Variants in NANP observed in about 807,000 individuals in gnomAD.
The protein encoded by NANP is N-acetylneuraminic acid phosphatase, also known as N-acylneuraminate-9-phosphatase.
NANP carries 15 observed loss-of-function variants against 16.9 expected under a neutral mutation model. The ratio of observed to expected loss-of-function variants is 0.89; its 90% CI spans 0.59 to 1.37. The LOEUF (loss-of-function observed/expected upper bound fraction) is 1.37. Among genes scored for constraint, NANP ranks in the 40% most tolerant of loss-of-function variants. NANP has a pLI of 0.00. For missense variants in NANP, 290 were observed against 303.5 expected, an observed-to-expected ratio of 0.96 and a Z score of 0.33; for synonymous variants, 135 against 112.6, an observed-to-expected ratio of 1.20 and a Z score of -1.26.
At chr20:25,619,057 T>TGA (rs1369313257) in intron 1 of NANP, among the ~76,000 whole-genome samples, 1 of 151,488 alleles carries the variant, frequency 6.6e-6, no homozygotes, top group Non-Finnish European at 1.5e-5. Context: ...ACTCACCTAC[T>TGA]GAGAGAGGAA....
intron 1 of NANP, among the ~76,000 whole-genome samples, chr20:25,621,827 A>G (rs756656874): frequency 1.3e-5 from 2 of 152,216 alleles, no homozygotes; most frequent in African/African-American, 4.8e-5. Context: ...TACTGGGATT[A>G]CAGGCGTGAG....
intron 1 of NANP, among the ~76,000 whole-genome samples, chr20:25,620,219 A>G (rs1184834658): frequency 1.3e-5 from 2 of 152,190 alleles, no homozygotes; most frequent in Non-Finnish European, 2.9e-5. Context: ...ATTGGAGGTG[A>G]AGGAAAAAGC....
At position 25,623,933 on chromosome 20, in the gene NANP, CGCGGCTCAGCCCCAT is replaced by C. The variant is rs764850994; in HGVS notation, c.1_15del (p.MetGlyLeuSerArg1_?5). On this transcript the variant is annotated start_lost and inframe_deletion, in exon 1 of 2. Coordinates refer to ENST00000304788, the MANE Select transcript of NANP (RefSeq NM_152667.3). ...TCCAAGTCAAAGAAAACCGCCCGCA[CGCGGCTCAGCCCCAT>C]AGCGCCGGCCGCTGGCGCGAACCGT... is the stretch of plus-strand genomic sequence containing the variant. The C allele has an allele frequency of 3.1e-6, 5 of 1,613,232 alleles. No individual in the cohort carries two copies. The highest frequency in any genetic ancestry group is 3.3e-5 in the Admixed American group (2 of 60,010).
Position 25,614,051 on chromosome 20 carries a change from T to A in NANP, c.*1874A>T, listed in dbSNP as rs1174432801. 7.7e-6 allele frequency: 3 copies of A among 388,668 alleles called. No individual in the cohort carries two copies. Among genetic ancestry groups the A allele is most frequent in the Non-Finnish European group, 1.4e-5 (3 of 220,270 alleles). 24.1% of individuals were successfully genotyped at this position (388,668 alleles called of 1,614,324 possible). A position where few individuals can be genotyped will look rare whatever the true frequency, so the allele number is the denominator to read the frequency against. The stretch of plus-strand genomic sequence containing the variant: ...ACTGCATTTGAAACTACAAACATCC[T>A]CTGTTCACAAATGTTCACTGTTATA... On this transcript the variant is annotated 3_prime_UTR_variant, in exon 2 of 2. Coordinates refer to ENST00000304788, the MANE Select transcript of NANP (RefSeq NM_152667.3).
rs149043334 is a variant in NANP at position 25,619,376 on chromosome 20, C to T, written c.91-2795G>A. ...CCTCAAGCAATCCTCCTGCCTTGGC[C>T]TTCCAAAGTGCTGGGAATTACAGGT... On this transcript the variant is annotated intron_variant, in intron 1 of 1. Transcript: ENST00000304788. Among the ~76,000 whole-genome samples the T allele has an allele frequency of 1.4e-3, 219 of 152,210 alleles. 1 individual carries two copies. The highest frequency in any genetic ancestry group is 5.0e-3 in the African/African-American group (207 of 41,526).
intron 1 of NANP, among the ~76,000 whole-genome samples, chr20:25,619,588 G>A (rs2065357402): frequency 6.6e-6 from 1 of 152,074 alleles, no homozygotes; most frequent in Non-Finnish European, 1.5e-5. Context: ...TTAGGTAAAG[G>A]CAAAACGCTG....
chr20:25,619,417 T>A (rs2065356650), intron 1 of NANP, among the ~76,000 whole-genome samples: 1 of 152,002 alleles, frequency 6.6e-6, no homozygotes. Flanking sequence ...CCACCGTGCC[T>A]GGCTGAAAGG....
At chr20:25,617,422 G>A (rs2065347666) in intron 1 of NANP, among the ~76,000 whole-genome samples, 1 of 152,186 alleles carries the variant, frequency 6.6e-6, no homozygotes, top group African/African-American at 2.4e-5. Context: ...ATGTTGGCCA[G>A]GCTGGTCTCG....
Position 25,618,197 on chromosome 20 carries a change from C to T in NANP, c.91-1616G>A, listed in dbSNP as rs1312573183. ...TATACAACCACTACAAATCATGGGC[C>T]GGGGGTGGGGGAAATGCCATGACAG... On this transcript the variant is annotated intron_variant, in intron 1 of 1. Coordinates refer to ENST00000304788, the MANE Select transcript of NANP (RefSeq NM_152667.3). 2.6e-5 allele frequency among the ~76,000 whole-genome samples: 2 copies of T among 77,224 alleles called. 1 individual carries two copies. The highest frequency in any genetic ancestry group is 1.1e-4 in the African/African-American group (2 of 17,904). 50.7% of individuals were successfully genotyped at this position (77,224 alleles called of 152,430 possible).
chr20:25,617,709 G>A (rs1458883966), intron 1 of NANP, among the ~76,000 whole-genome samples: 1 of 151,984 alleles, frequency 6.6e-6, no homozygotes, highest in Non-Finnish European at 1.5e-5. Flanking sequence ...TAGAGGCGGG[G>A]TTTTACCATG....
Position 25,613,047 on chromosome 20 carries a change from C to T in NANP, c.*2878G>A, listed in dbSNP as rs948901402. On this transcript the variant is annotated 3_prime_UTR_variant, in exon 2 of 2. Coordinates refer to ENST00000304788, the MANE Select transcript of NANP (RefSeq NM_152667.3). ...GAATGGAATGAAAAATATCATCACACGTAACAAGAATGTTTTATGAAAATT... is the reference window on the plus strand; with the variant it reads ...GAATGGAATGAAAAATATCATCACATGTAACAAGAATGTTTTATGAAAATT... 7 of 151,854 alleles carry T rather than the reference C, an allele frequency of 4.6e-5. No homozygotes were observed. The highest frequency in any genetic ancestry group is 7.4e-5 in the Non-Finnish European group (5 of 68,016). 9.4% of individuals were successfully genotyped at this position (151,854 alleles called of 1,614,324 possible).
chr20:25,617,718 T>C (rs368369172), intron 1 of NANP, among the ~76,000 whole-genome samples: 5 of 152,130 alleles, frequency 3.3e-5, no homozygotes, highest in African/African-American at 9.7e-5. Context: ...GGTTTTACCA[T>C]GTTGGCCAGG....
chr20:25,616,639 A>C (rs1466136976), intron 1 of NANP, 58 bp from the exon 2 acceptor site: 1 of 1,357,050 alleles, frequency 7.4e-7, no homozygotes, highest in African/African-American at 1.5e-5. Flanking sequence ...GTCATGCCCT[A>C]GGAAGCTGTG....
chr20:25,618,862 A>C (rs1030756699), intron 1 of NANP, among the ~76,000 whole-genome samples: 2 of 152,042 alleles, frequency 1.3e-5, no homozygotes, highest in African/African-American at 2.4e-5. Context: ...CGACCCCTTA[A>C]CGTGTATCCT....
chr20:25,623,229 A>C (rs1394744065), intron 1 of NANP, among the ~76,000 whole-genome samples: 1 of 152,132 alleles, frequency 6.6e-6, no homozygotes, highest in Non-Finnish European at 1.5e-5. Flanking sequence ...AGTGCCGCGG[A>C]GGAGCGCCTC....
At chr20:25,623,190 T>G (rs2065373800) in intron 1 of NANP, among the ~76,000 whole-genome samples, 1 of 152,134 alleles carries the variant, frequency 6.6e-6, no homozygotes, top group Non-Finnish European at 1.5e-5. Context: ...CGGGAAGGTC[T>G]GAAAGCGCCT....
Position 25,615,913 on chromosome 20 carries a change from C to T in NANP, c.*12G>A. 1.3e-6 allele frequency: 2 copies of T among 1,591,144 alleles called. No homozygotes were observed. The highest frequency in any genetic ancestry group is 8.6e-7 in the Non-Finnish European group (1 of 1,168,466). On this transcript the variant is annotated 3_prime_UTR_variant, in exon 2 of 2. Coordinates refer to ENST00000304788, the MANE Select transcript of NANP (RefSeq NM_152667.3). ...TGATTCTAACATTCATAATCATGCC[C>T]TTTTATGTGCTTTAAGTGGACATAC...
In NANP at chr20:25,616,049, C is replaced by G; in HGVS notation, c.623G>C (p.Trp208Ser). ...TGGCACTATTCCATTTTTATTGATC[C>G]AGACTGTTGCTTTCAATCCTGCATT... ...GLNAGLKATVWINKNGIVPLK... is the reference protein window; with the variant it reads ...GLNAGLKATVSINKNGIVPLK... Residue 208 changes from tryptophan (W) to serine (S), a missense_variant, in exon 2 of 2, where the codon TGG (tryptophan) becomes TCG (serine). Physicochemically the swap from Trp to Ser is radical, Grantham distance 177. Coordinates refer to ENST00000304788, the MANE Select transcript of NANP (RefSeq NM_152667.3). 1 of 1,614,156 alleles carries G rather than the reference C, an allele frequency of 6.2e-7. No individual in the cohort carries two copies. The highest frequency in any genetic ancestry group is 8.5e-7 in the Non-Finnish European group (1 of 1,180,028).
chr20:25,621,829 A>G (rs1278481683), intron 1 of NANP, among the ~76,000 whole-genome samples: 1 of 152,216 alleles, frequency 6.6e-6, no homozygotes, highest in African/African-American at 2.4e-5. Context: ...CTGGGATTAC[A>G]GGCGTGAGCC....
Sources: allele counts gnomAD v4.1 joint callset (sites outside exome capture counted in the v4.1 genomes callset), GRCh38; gene constraint gnomAD v4.1.1; transcripts MANE v1.5; gene names NCBI Gene and HGNC (gene_info 2026-07-23, HGNC 2026-07-21).